Variants in MCU observed in about 807,000 individuals in gnomAD.
MCU encodes calcium uniporter protein, mitochondrial.
Under a neutral mutation model 45.2 loss-of-function variants are expected in MCU, and 12 were observed. The ratio of observed to expected loss-of-function variants is 0.27; its 90% CI spans 0.17 to 0.43. MCU has a LOEUF of 0.43. MCU is among the 20% of genes least tolerant of loss of function. The pLI is 1.00. For missense variants in MCU, 324 were observed against 436.7 expected, an observed-to-expected ratio of 0.74 and a Z score of 2.30; for synonymous variants, 160 against 165.1, an observed-to-expected ratio of 0.97 and a Z score of 0.24.
At chr10:72,724,352 T>A (rs557755926) in intron 1 of MCU, among the ~76,000 whole-genome samples, 6 of 152,342 alleles carry the variant, frequency 3.9e-5, no homozygotes, top group Admixed American at 6.5e-5. Context: ...GAAGTGAGAT[T>A]CTTTTAAAAG....
intron 1 of MCU, among the ~76,000 whole-genome samples, chr10:72,799,170 C>A (rs961888656): frequency 6.6e-6 from 1 of 152,078 alleles, no homozygotes; most frequent in Non-Finnish European, 1.5e-5. Flanking sequence ...GTGATTCACC[C>A]GCCTCAGCCT....
chr10:72,836,284 C>T (rs1844955168), intron 2 of MCU, among the ~76,000 whole-genome samples: 1 of 151,978 alleles, frequency 6.6e-6, no homozygotes, highest in East Asian at 1.9e-4. Flanking sequence ...GAATATCAAC[C>T]AAGTCACATG....
At chr10:72,810,552 C>G (rs1242900093) in intron 1 of MCU, among the ~76,000 whole-genome samples, 1 of 146,412 alleles carries the variant, frequency 6.8e-6, no homozygotes, top group Non-Finnish European at 1.5e-5. Context: ...ACTGCAACCT[C>G]TGCCTCCCGG....
Position 72,731,550 on chromosome 10 carries a change from A to G in MCU, c.150+39249A>G, listed in dbSNP as rs145094654. 1.5e-3 allele frequency among the ~76,000 whole-genome samples: 221 copies of G among 152,226 alleles called. 2 individuals are homozygous for G. The highest frequency in any genetic ancestry group is 4.9e-3 in the African/African-American group (202 of 41,544). ...TTCTGCAACTGTAACCATCACCAAT[A>G]TCTGATTCCAGAATGTTTCCATCAC... On this transcript the variant is annotated intron_variant, in intron 1 of 7. Coordinates refer to ENST00000373053, the MANE Select transcript of MCU (RefSeq NM_138357.3).
rs1378557185 is a variant in MCU at position 72,777,425 on chromosome 10, G to A, written c.151-56934G>A. ...TACAGCCAGCTGATCTTTGACAAAG[G>A]AACCAGAACATACAATGGGGAAAGG... is the stretch of plus-strand genomic sequence containing the variant. On this transcript the variant is annotated intron_variant, in intron 1 of 7. Coordinates refer to ENST00000373053, the MANE Select transcript of MCU (RefSeq NM_138357.3). Among the ~76,000 whole-genome samples the A allele has an allele frequency of 3.3e-5, 5 of 152,268 alleles. No homozygotes were observed. The South Asian group carries it at 6.2e-4, about 19-fold the overall frequency.
At chr10:72,763,924 C>CCA (rs954797408) in intron 1 of MCU, among the ~76,000 whole-genome samples, 17 of 151,722 alleles carry the variant, frequency 1.1e-4, no homozygotes, top group South Asian at 2.1e-4. Context: ...CACTCCCCTT[C>CCA]CACACACACA....
At chr10:72,692,974 T>C (rs1564530382) in intron 1 of MCU, 1 of 1,535,804 alleles carries the variant, frequency 6.5e-7, no homozygotes, top group Non-Finnish European at 8.7e-7. Flanking sequence ...TTAAAGGTGC[T>C]TTTGGGGGTC....
At chr10:72,865,694 A>G (rs190281738) in intron 4 of MCU, among the ~76,000 whole-genome samples, 12 of 151,120 alleles carry the variant, frequency 7.9e-5, no homozygotes, top group East Asian at 1.9e-4. Flanking sequence ...GGCACATGCC[A>G]CACGCCGGCA....
At chr10:72,780,574 A>G (rs1315697668) in intron 1 of MCU, among the ~76,000 whole-genome samples, 1 of 101,664 alleles carries the variant, frequency 9.8e-6, no homozygotes, top group Non-Finnish European at 2.1e-5. Flanking sequence ...GAAGAGAGGA[A>G]GAGAGATAAC....
intron 1 of MCU, among the ~76,000 whole-genome samples, chr10:72,831,998 A>G (rs2132830613): frequency 6.6e-6 from 1 of 152,324 alleles, no homozygotes; most frequent in South Asian, 2.1e-4. Flanking sequence ...ACTAGAACAA[A>G]AAAGTAAGCC....
chr10:72,784,470 T>A (rs774035444), intron 1 of MCU, among the ~76,000 whole-genome samples: 1 of 152,246 alleles, frequency 6.6e-6, no homozygotes, highest in Admixed American at 6.5e-5. Flanking sequence ...GTACAATTTT[T>A]AATTGGCTAC....
At chr10:72,825,119 A>G (rs1194480264) in intron 1 of MCU, among the ~76,000 whole-genome samples, 1 of 152,180 alleles carries the variant, frequency 6.6e-6, no homozygotes, top group African/African-American at 2.4e-5. Flanking sequence ...AAATTAAATA[A>G]ATCTGTTATA....
At chr10:72,781,916 G>A (rs1006578149) in intron 1 of MCU, among the ~76,000 whole-genome samples, 6 of 152,064 alleles carry the variant, frequency 3.9e-5, no homozygotes, top group Non-Finnish European at 8.8e-5. Flanking sequence ...TGTGCTTTGT[G>A]GCCATGAATA....
At chr10:72,783,865 T>A (rs1564555605) in intron 1 of MCU, among the ~76,000 whole-genome samples, 1 of 152,222 alleles carries the variant, frequency 6.6e-6, no homozygotes, top group African/African-American at 2.4e-5. Flanking sequence ...TCTTTCTTTA[T>A]TTCTTTTTAA....
chr10:72,801,230 C>T (rs562437983), intron 1 of MCU, among the ~76,000 whole-genome samples: 26 of 151,988 alleles, frequency 1.7e-4, no homozygotes, highest in South Asian at 4.2e-4. Flanking sequence ...TAGTACTTTT[C>T]GTGTTATTAT....
chr10:72,871,598 G>A lies in MCU; in HGVS notation c.861+18G>A, dbSNP rs559366414. The A allele has an allele frequency of 2.2e-5, 36 of 1,601,374 alleles. No homozygotes were observed. In the East Asian group the frequency reaches 7.8e-4, roughly 35 times the overall value. On this transcript the variant is annotated intron_variant, in intron 6 of 7. Coordinates refer to ENST00000373053, the MANE Select transcript of MCU (RefSeq NM_138357.3). ...CACGCCAGGTAAGAATTCTCTTCAA[G>A]TAACTTTTTATGAGATAGTAATAAA...
chr10:72,825,088 A>C (rs1189907743), intron 1 of MCU, among the ~76,000 whole-genome samples: 2 of 152,136 alleles, frequency 1.3e-5, no homozygotes, highest in Admixed American at 1.3e-4. Flanking sequence ...AGCTTTTCTG[A>C]TGCCTTTTAA....
intron 5 of MCU, among the ~76,000 whole-genome samples, chr10:72,869,527 G>A (rs1460188040): frequency 6.6e-6 from 1 of 152,236 alleles, no homozygotes; most frequent in Non-Finnish European, 1.5e-5. Flanking sequence ...GGTGGAGGTT[G>A]CAGTGAGCCA....
At chr10:72,881,997 G>T (rs1375857725) in intron 6 of MCU, among the ~76,000 whole-genome samples, 1 of 152,202 alleles carries the variant, frequency 6.6e-6, no homozygotes, top group Non-Finnish European at 1.5e-5. Flanking sequence ...TGAAGCCATG[G>T]CAGAAGAACG....
Sources: gnomAD v4.1 joint callset for allele counts (sites outside exome capture counted in the v4.1 genomes callset) on GRCh38, gnomAD v4.1.1 for gene constraint, MANE v1.5 for transcripts, NCBI Gene and HGNC (gene_info 2026-07-23, HGNC 2026-07-21) for gene names.